The following PTPRN2 variants were observed in gnomAD, a reference collection of about 807,000 sequenced individuals.
PTPRN2 encodes the protein protein tyrosine phosphatase receptor type N2, also known as receptor-type tyrosine-protein phosphatase N2.
PTPRN2 carries 74 observed loss-of-function variants against 118.8 expected under a neutral mutation model. The observed-to-expected ratio is 0.62, with a 90% CI of 0.52 to 0.76. PTPRN2 has a LOEUF of 0.76. Ranked by LOEUF, PTPRN2 falls within the 30% of genes least tolerant of loss-of-function variation. The pLI, the probability that PTPRN2 is intolerant of heterozygous loss-of-function variation, is 0.00. For missense variants in PTPRN2, 1,481 were observed against 1,394.4 expected (o/e 1.06, Z -0.99); for synonymous variants, 641 against 608.0 (o/e 1.05, Z -0.80).
At chr7:157,559,747 T>G (rs1799084295) in intron 21 of PTPRN2, among the ~76,000 whole-genome samples, 1 of 152,078 alleles carries the variant, frequency 6.6e-6, no homozygotes, top group African/African-American at 2.4e-5. Context: ...AACAGGAGTT[T>G]GAACAGAAAC....
intron 13 of PTPRN2, among the ~76,000 whole-genome samples, chr7:157,668,584 G>C (rs1796252885): frequency 6.6e-6 from 1 of 152,252 alleles, no homozygotes; most frequent in African/African-American, 2.4e-5. Context: ...CTCCAGACTG[G>C]ACGTGGCACC....
intron 11 of PTPRN2, among the ~76,000 whole-genome samples, chr7:158,067,171 G>T (rs1368432744): frequency 1.3e-5 from 2 of 152,232 alleles, no homozygotes; most frequent in Admixed American, 1.3e-4. Flanking sequence ...GGGTTGAGAT[G>T]CAATTCTTAT....
At chr7:158,406,384 C>T (rs1395859235) in intron 2 of PTPRN2, among the ~76,000 whole-genome samples, 1 of 133,666 alleles carries the variant, frequency 7.5e-6, no homozygotes, top group East Asian at 2.1e-4. Context: ...GTGGCTCATC[C>T]GTGAGACATG....
chr7:157,813,209 C>G lies in PTPRN2; in HGVS notation c.1788+85464G>C, dbSNP rs1306506693. ...ACCGTAGAGAAGGCAGTGACAGGGC[C>G]AGGGCAAGCCGGTTGGAGAAGTGGA... On this transcript the variant is annotated intron_variant, in intron 12 of 22. Coordinates refer to ENST00000389418, the MANE Select transcript of PTPRN2 (RefSeq NM_002847.5). This position sits in a 1 kb window ranked among gnomAD's most constrained non-coding sequence, Gnocchi z 4.7. Among the ~76,000 whole-genome samples, 2 of 152,160 alleles carry G rather than the reference C, an allele frequency of 1.3e-5. No individual in the cohort carries two copies. The highest frequency in any genetic ancestry group is 2.9e-5 in the Non-Finnish European group (2 of 68,038).
At chr7:158,128,505 A>T (rs567649322) in intron 9 of PTPRN2, among the ~76,000 whole-genome samples, 75 of 152,300 alleles carry the variant, frequency 4.9e-4, no homozygotes, top group African/African-American at 1.6e-3. Context: ...ATAAACTCGA[A>T]TGCAAAGAAA....
At chr7:158,215,209 T>A (rs1458168758) in intron 3 of PTPRN2, among the ~76,000 whole-genome samples, 1 of 152,074 alleles carries the variant, frequency 6.6e-6, no homozygotes, top group Non-Finnish European at 1.5e-5. Flanking sequence ...TACTGAAAGA[T>A]ACAATAACCA....
intron 11 of PTPRN2, among the ~76,000 whole-genome samples, chr7:157,985,003 T>C (rs1803663609): frequency 6.6e-6 from 1 of 152,128 alleles, no homozygotes; most frequent in Non-Finnish European, 1.5e-5. Flanking sequence ...TTTCCCCTTT[T>C]CCAAATCCCA....
At chr7:158,085,322 TCACACATGCCCATC>T (rs1200842090) in intron 10 of PTPRN2, among the ~76,000 whole-genome samples, 303 of 17,502 alleles carry the variant, frequency 0.017, 13 homozygotes, top group African/African-American at 0.056. Flanking sequence ...CGACGCCCAT[TCACACATGCCCATC>T]CACACCCATG....
intron 5 of PTPRN2, among the ~76,000 whole-genome samples, chr7:158,172,227 A>C (rs1823764947): frequency 6.6e-6 from 1 of 152,336 alleles, no homozygotes; most frequent in African/African-American, 2.4e-5. Context: ...CCAGTTATCT[A>C]ACCTCTTGAA....
At chr7:158,424,642 C>A (rs958159491) in intron 2 of PTPRN2, among the ~76,000 whole-genome samples, 1 of 152,272 alleles carries the variant, frequency 6.6e-6, no homozygotes, top group African/African-American at 2.4e-5. Flanking sequence ...GGGACTGAGA[C>A]GCCCGCAGAG....
intron 12 of PTPRN2, among the ~76,000 whole-genome samples, chr7:157,827,852 A>C (rs1181605673): frequency 2.0e-5 from 3 of 151,838 alleles, no homozygotes; most frequent in African/African-American, 7.3e-5. Flanking sequence ...CTGTTCCCAG[A>C]GTCTCAGTGC....
At chr7:157,545,718 G>A (rs1000273704) in intron 22 of PTPRN2, among the ~76,000 whole-genome samples, 2 of 152,084 alleles carry the variant, frequency 1.3e-5, no homozygotes, top group African/African-American at 4.8e-5. Flanking sequence ...GCTCTCCTGA[G>A]GGGCATCTTT....
chr7:158,147,820 C>T (rs1820330945), intron 6 of PTPRN2, among the ~76,000 whole-genome samples: 1 of 126,242 alleles, frequency 7.9e-6, no homozygotes, highest in African/African-American at 3.1e-5. Context: ...ACACGTCTTT[C>T]CCCCTCAATG....
Position 158,127,119 on chromosome 7 carries a change from G to A in PTPRN2, c.1556+6558C>T, listed in dbSNP as rs1008170657. ...GAGAGGCATCGGAGAGGTCAACGCC[G>A]CCCCATGCCACTTTTTGCACATTCT... is the stretch of plus-strand genomic sequence containing the variant. On this transcript the variant is annotated intron_variant, in intron 9 of 22. Transcript: ENST00000389418. 1.1e-4 allele frequency among the ~76,000 whole-genome samples: 17 copies of A among 152,240 alleles called. No individual in the cohort carries two copies. In the East Asian group the frequency reaches 1.2e-3, roughly 10 times the overall value.
intron 5 of PTPRN2, among the ~76,000 whole-genome samples, chr7:158,191,750 G>A (rs1247314154): frequency 3.3e-5 from 5 of 152,080 alleles, no homozygotes; most frequent in South Asian, 2.1e-4. Flanking sequence ...GTTCGCCTCC[G>A]AGCCTGTCTG....
intron 12 of PTPRN2, among the ~76,000 whole-genome samples, chr7:157,758,643 G>A (rs971216288): frequency 6.6e-6 from 1 of 152,220 alleles, no homozygotes; most frequent in Non-Finnish European, 1.5e-5. Flanking sequence ...GGACGGGACT[G>A]GCATGTCTCC....
intron 3 of PTPRN2, among the ~76,000 whole-genome samples, chr7:158,264,447 G>A (rs1033473775): frequency 1.3e-5 from 2 of 152,214 alleles, no homozygotes; most frequent in East Asian, 1.9e-4. Flanking sequence ...CCTACATGCT[G>A]GACACACACA....
intron 12 of PTPRN2, among the ~76,000 whole-genome samples, chr7:157,718,784 G>A (rs983098754): frequency 6.0e-5 from 9 of 150,100 alleles, no homozygotes; most frequent in Admixed American, 1.3e-4. Context: ...ACGTCCAGGC[G>A]TCCGCGGTGA....
intron 12 of PTPRN2, among the ~76,000 whole-genome samples, chr7:157,730,844 C>T (rs1389039249): frequency 6.6e-6 from 1 of 152,174 alleles, no homozygotes; most frequent in Non-Finnish European, 1.5e-5. Context: ...GGGCTCTGAC[C>T]TCGGCGTGGC....
Sources: allele counts gnomAD v4.1 joint callset (sites outside exome capture counted in the v4.1 genomes callset), GRCh38; gene constraint gnomAD v4.1.1; non-coding constraint Gnocchi (gnomAD v3.1); transcripts MANE v1.5; gene names NCBI Gene and HGNC (gene_info 2026-07-23, HGNC 2026-07-21).